The following GABBR2 variants were observed in gnomAD, a reference collection of about 807,000 sequenced individuals.
The protein encoded by GABBR2 is G-protein coupled receptor 51.
In GABBR2, 23 loss-of-function variants were observed where a neutral mutation model predicts 105.6. The ratio of observed to expected loss-of-function variants is 0.22; its 90% confidence interval spans 0.16 to 0.31. The LOEUF is 0.31. GABBR2 is among the 10% of genes least tolerant of loss of function. The probability of loss-of-function intolerance (pLI) is 1.00; values close to 1 mark genes in which losing one functional copy is unlikely to be tolerated. For synonymous variants in GABBR2, 478 were observed against 499.7 expected (o/e 0.96, Z 0.58); for missense variants, 734 against 1,245.5 (o/e 0.59, Z 6.18).
intron 3 of GABBR2, among the ~76,000 whole-genome samples, chr9:98,510,948 A>G (rs1356131722): frequency 6.6e-6 from 1 of 152,082 alleles, no homozygotes; most frequent in Non-Finnish European, 1.5e-5. Flanking sequence ...TCAACAGAAT[A>G]TACATTCTTT....
At chr9:98,490,814 C>A (rs145750641) in intron 4 of GABBR2, among the ~76,000 whole-genome samples, 8 of 152,212 alleles carry the variant, frequency 5.3e-5, no homozygotes, top group Non-Finnish European at 1.2e-4. Context: ...CTTCCCAGCC[C>A]CGCCTGGAAA....
intron 13 of GABBR2, among the ~76,000 whole-genome samples, chr9:98,314,543 C>T (rs370458515): frequency 2.0e-5 from 3 of 152,268 alleles, no homozygotes; most frequent in African/African-American, 7.2e-5. Context: ...AAGTGCTCTT[C>T]ACAGGAAACT....
At chr9:98,610,560 A>C (rs796832384) in intron 1 of GABBR2, among the ~76,000 whole-genome samples, 1 of 152,336 alleles carries the variant, frequency 6.6e-6, no homozygotes, top group African/African-American at 2.4e-5. Flanking sequence ...GTAGGCTATA[A>C]ATCTCATGAG....
chr9:98,620,979 C>T (rs557602200), intron 1 of GABBR2, among the ~76,000 whole-genome samples: 56 of 152,252 alleles, frequency 3.7e-4, no homozygotes, highest in Middle Eastern at 3.4e-3. Flanking sequence ...CTAGGCACAA[C>T]GGCAGGCACA....
intron 3 of GABBR2, among the ~76,000 whole-genome samples, chr9:98,534,131 G>A (rs868296029): frequency 6.6e-6 from 1 of 152,254 alleles, no homozygotes; most frequent in African/African-American, 2.4e-5. Context: ...GGTTTCAAAG[G>A]GCCAGGCAGG....
chr9:98,498,322 C>G (rs1031032957), intron 3 of GABBR2, among the ~76,000 whole-genome samples: 8 of 152,114 alleles, frequency 5.3e-5, no homozygotes, highest in African/African-American at 1.9e-4. Flanking sequence ...GATAGTTGCA[C>G]AAACATGTGA....
intron 1 of GABBR2, among the ~76,000 whole-genome samples, chr9:98,581,820 A>G (rs890616847): frequency 5.3e-5 from 8 of 152,244 alleles, no homozygotes; most frequent in Admixed American, 3.3e-4. Flanking sequence ...AGTTGCATTA[A>G]ATAATATTAG....
At chr9:98,372,413 T>C (rs1239891542) in intron 11 of GABBR2, among the ~76,000 whole-genome samples, 2 of 152,220 alleles carry the variant, frequency 1.3e-5, no homozygotes, top group Non-Finnish European at 2.9e-5. Context: ...TCCCACTCAC[T>C]GGGACAGAAA....
intron 11 of GABBR2, among the ~76,000 whole-genome samples, chr9:98,374,821 T>A (rs1831844791): frequency 6.6e-6 from 1 of 152,168 alleles, no homozygotes; most frequent in Admixed American, 6.5e-5. Context: ...TGCTGTGTAT[T>A]CTTTCAGTGT....
intron 6 of GABBR2, among the ~76,000 whole-genome samples, chr9:98,458,717 C>T (rs1247045502): frequency 6.6e-6 from 1 of 152,126 alleles, no homozygotes; most frequent in Non-Finnish European, 1.5e-5. Context: ...AAACAAAATA[C>T]AAACAACCAA....
In GABBR2 at chr9:98,306,295, T is replaced by G. The variant is rs1411488846; in HGVS notation, c.2055A>C (p.Ala685=). The G allele has an allele frequency of 6.2e-7, 1 of 1,614,122 alleles. No individual in the cohort carries two copies. ...TCCCGATGTACTTGCTGTCGTTGAG[T>G]GCGGGGATGCTGACGTTGCGGGTCT... The part of the protein sequence containing the change: ...AWETRNVSIP[A]LNDSKYIGMS... Residue 685 remains alanine, a synonymous_variant, in exon 15 of 19, where the codon GCA becomes GCC. Coordinates refer to ENST00000259455, the MANE Select transcript of GABBR2 (RefSeq NM_005458.8). The surrounding 1 kb of genome is among the most constrained non-coding windows in gnomAD (Gnocchi z 5.4).
intron 13 of GABBR2, among the ~76,000 whole-genome samples, chr9:98,328,708 A>C (rs1830968038): frequency 1.3e-5 from 2 of 152,224 alleles, no homozygotes; most frequent in Non-Finnish European, 2.9e-5. Flanking sequence ...TCTATGAGTA[A>C]TAAATAGGCC....
chr9:98,613,105 C>T (rs1317775913), intron 1 of GABBR2, among the ~76,000 whole-genome samples: 1 of 152,096 alleles, frequency 6.6e-6, no homozygotes, highest in African/African-American at 2.4e-5. Flanking sequence ...CTTCCTATAC[C>T]CATAGCCTTT....
chr9:98,395,104 T>G (rs1273891902), intron 8 of GABBR2, among the ~76,000 whole-genome samples: 1 of 152,204 alleles, frequency 6.6e-6, no homozygotes, highest in East Asian at 1.9e-4. Context: ...ATAAAGATGA[T>G]GAGGACTGGC....
chr9:98,661,727 C>T (rs776597315), intron 1 of GABBR2, among the ~76,000 whole-genome samples: 12 of 152,188 alleles, frequency 7.9e-5, no homozygotes, highest in Admixed American at 3.9e-4. Context: ...GTGGATGCTG[C>T]GGACCACTGC....
rs200521095 is a variant in GABBR2 at position 98,685,831 on chromosome 9, T to TAC, written c.321+22584_321+22585dup. 6.7e-4 allele frequency among the ~76,000 whole-genome samples: 101 copies of TAC among 151,838 alleles called. 1 individual carries two copies. In the East Asian group the frequency reaches 0.011, roughly 17 times the overall value. On this transcript the variant is annotated intron_variant, in intron 1 of 18. Coordinates refer to ENST00000259455, the MANE Select transcript of GABBR2 (RefSeq NM_005458.8). Reference sequence around the variant, plus strand: ...CGTCAGCCTCCCAAGTAGCTGGGACTACACACACACACACCATCATCCCCA... The same window carrying TAC: ...CGTCAGCCTCCCAAGTAGCTGGGACTACACACACACACACACCATCATCCCCA...
intron 2 of GABBR2, among the ~76,000 whole-genome samples, chr9:98,554,327 TCCAG>T (rs1218415382): frequency 6.7e-6 from 1 of 148,434 alleles, no homozygotes; most frequent in African/African-American, 2.5e-5. Flanking sequence ...GCCACTACAC[TCCAG>T]CCTGAGCGAG....
intron 1 of GABBR2, among the ~76,000 whole-genome samples, chr9:98,620,247 T>TCTC (rs1829649692): frequency 1.4e-5 from 2 of 146,508 alleles, no homozygotes; most frequent in African/African-American, 2.5e-5. Flanking sequence ...TTTTCTCTCT[T>TCTC]TCTCTCTCTC....
intron 1 of GABBR2, among the ~76,000 whole-genome samples, chr9:98,673,996 A>G (rs1319715138): frequency 1.3e-5 from 2 of 152,188 alleles, no homozygotes; most frequent in Admixed American, 1.3e-4. Flanking sequence ...CCTCTAGGGA[A>G]GGAGAAATGG....
Sources: allele counts gnomAD v4.1 joint callset (sites outside exome capture counted in the v4.1 genomes callset), GRCh38; gene constraint gnomAD v4.1.1; non-coding constraint Gnocchi (gnomAD v3.1); transcripts MANE v1.5; gene names NCBI Gene and HGNC (gene_info 2026-07-23, HGNC 2026-07-21).